HERC5: variants seen among roughly 807,000 people sequenced by gnomAD.
HERC5 encodes the protein E3 ISG15--protein ligase HERC5.
A neutral mutation model predicts 119.6 loss-of-function variants in HERC5; 99 were observed. The observed-to-expected ratio is 0.83, with a 90% CI of 0.70 to 0.98. The LOEUF is 0.98. Among genes scored for constraint, HERC5 ranks in the 50% least tolerant of loss-of-function variants. The pLI, the probability that HERC5 is intolerant of heterozygous loss-of-function variation, is 0.00. For synonymous variants in HERC5, 478 were observed against 445.9 expected (o/e 1.07, Z -0.91); for missense variants, 1,267 against 1,241.3 (o/e 1.02, Z -0.31).
intron 16 of HERC5, among the ~76,000 whole-genome samples, chr4:88,492,299 C>A (rs112230023): frequency 6.6e-6 from 1 of 151,786 alleles, no homozygotes; most frequent in African/African-American, 2.4e-5. Flanking sequence ...CCACCACGCC[C>A]GGCCAATTTT....
At chr4:88,458,986 A>T (rs575889454) in intron 1 of HERC5, among the ~76,000 whole-genome samples, 85 of 152,294 alleles carry the variant, frequency 5.6e-4, no homozygotes, top group African/African-American at 1.9e-3. Flanking sequence ...TTGAAATGAG[A>T]TTATGTTGTC....
chr4:88,499,939 C>A lies in HERC5; in HGVS notation c.2458C>A (p.Leu820Ile), dbSNP rs371481479. The change falls in exon 19 of 23, where the codon CTT becomes ATT. Residue 820 changes from leucine (L) to isoleucine (I), a missense_variant. Physicochemically the swap from Leu to Ile is conservative, Grantham distance 5. Transcript: ENST00000264350. The part of the protein sequence containing the change: ...SPDLGKNLQT[L>I]LDDEGDNFEE... The stretch of plus-strand genomic sequence containing the variant: ...TTTTTTCCTTAGGAATTTGCAAACA[C>A]TTCTGGATGATGAAGGTGATAACTT... 2.1e-4 allele frequency: 335 copies of A among 1,607,750 alleles called. No individual in the cohort carries two copies. Among genetic ancestry groups the A allele is most frequent in the Non-Finnish European group, 2.5e-4 (291 of 1,174,818 alleles).
chr4:88,470,696 T>A, intron 10 of HERC5, 23 bp downstream of exon 10: 1 of 1,012,862 alleles, frequency 9.9e-7, no homozygotes, highest in Non-Finnish European at 1.5e-6. Context: ...ATAAATTAAT[T>A]GTATTAAATT....
At chr4:88,462,596 T>C (rs1477924601) in intron 4 of HERC5, among the ~76,000 whole-genome samples, 4 of 152,148 alleles carry the variant, frequency 2.6e-5, no homozygotes, top group Non-Finnish European at 5.9e-5. Flanking sequence ...GAATTAGGGA[T>C]GAGAACCTGG....
chr4:88,476,470 G>A (rs1205072023), intron 12 of HERC5, among the ~76,000 whole-genome samples: 2 of 152,162 alleles, frequency 1.3e-5, no homozygotes, highest in Non-Finnish European at 2.9e-5. Flanking sequence ...TATTACAATT[G>A]TGCTTTTGTA....
Position 88,504,477 on chromosome 4 carries a change from T to C in HERC5, c.2767-18T>C, listed in dbSNP as rs939437786. ...TCCTTCCTATTTCCTCAATAACTTTTTTTTGTATTTTCTCTAGAATGCACG... is the reference window on the plus strand; with the variant it reads ...TCCTTCCTATTTCCTCAATAACTTTCTTTTGTATTTTCTCTAGAATGCACG... On this transcript the variant is annotated intron_variant, in intron 21 of 22. Coordinates refer to ENST00000264350, the MANE Select transcript of HERC5 (RefSeq NM_016323.4). 2.5e-6 allele frequency: 4 copies of C among 1,570,106 alleles called. No individual in the cohort carries two copies. The highest frequency in any genetic ancestry group is 3.5e-6 in the Non-Finnish European group (4 of 1,157,128).
chr4:88,488,155 A>T (rs6826311), intron 15 of HERC5, among the ~76,000 whole-genome samples: 7,892 of 152,208 alleles, frequency 0.052, 681 homozygotes, highest in African/African-American at 0.18. Context: ...TCCTGATTTT[A>T]AACAAGGTTC....
chr4:88,504,008 A>T (rs1435154981), intron 20 of HERC5, among the ~76,000 whole-genome samples: 24 of 152,128 alleles, frequency 1.6e-4, no homozygotes, highest in Admixed American at 1.6e-3. Flanking sequence ...TGGAGGTTGC[A>T]ATAAGCTAAG....
chr4:88,504,584 GA>G lies in HERC5; in HGVS notation c.2862del (p.Lys954AsnfsTer14). 5 of 1,555,130 alleles carry G rather than the reference GA, an allele frequency of 3.2e-6. No homozygotes were observed. Among genetic ancestry groups the G allele is most frequent in the South Asian group, 1.2e-5 (1 of 81,116 alleles). On this transcript the variant is annotated frameshift_variant, in exon 22 of 23. Transcript: ENST00000264350. LOFTEE classifies it low-confidence loss of function (END_TRUNC). ...TCCACAAATTGACTCTGGAAGAAAAGAAAAAATTCCTTGGTAAGTATTATAT... is the reference window on the plus strand; with the variant it reads ...TCCACAAATTGACTCTGGAAGAAAAGAAAAATTCCTTGGTAAGTATTATAT... ...AFHKLTLEEK[K>X]KFLVFLTGTD... is the part of the protein sequence containing the mutation.
chr4:88,501,167 G>A (rs1162396238), intron 20 of HERC5, among the ~76,000 whole-genome samples, 182 bp downstream of exon 20: 1 of 152,130 alleles, frequency 6.6e-6, no homozygotes, highest in Admixed American at 6.6e-5. Context: ...ATTGTGGTAA[G>A]GAATGGAAAT....
Position 88,463,850 on chromosome 4 carries a change from C to CTTAG in HERC5, c.781-4_781-1dup. 1 of 1,612,594 alleles carries CTTAG rather than the reference C, an allele frequency of 6.2e-7. No individual in the cohort carries two copies. Among genetic ancestry groups the CTTAG allele is most frequent in the Non-Finnish European group, 8.5e-7 (1 of 1,179,582 alleles). ...AGCATCTGATATGACATTCCCTTTC[C>CTTAG]TTAGGATGGGCTGCTGTTTACTTTC... On this transcript the variant is annotated splice_region_variant and splice_polypyrimidine_tract_variant and intron_variant, in intron 5 of 22. Transcript: ENST00000264350.
intron 15 of HERC5, 53 bp downstream of exon 15, chr4:88,487,232 T>C (rs902788777): frequency 1.0e-6 from 1 of 1,002,818 alleles, no homozygotes; most frequent in Admixed American, 2.0e-5. Flanking sequence ...AAGCGCCTTC[T>C]TAATCATGCA....
In HERC5 at chr4:88,484,831, A is replaced by G. The variant is rs537387220; in HGVS notation, c.1738-1284A>G. Reference sequence around the variant, plus strand: ...TCACCAGGTTGGGCAGATGCTCTCAAGGCAAATGCCACTTTCATTTAAGTT... The same window carrying G: ...TCACCAGGTTGGGCAGATGCTCTCAGGGCAAATGCCACTTTCATTTAAGTT... On this transcript the variant is annotated intron_variant, in intron 13 of 22. Transcript: ENST00000264350. Among the ~76,000 whole-genome samples, 9 of 152,344 alleles carry G rather than the reference A, an allele frequency of 5.9e-5. No individual in the cohort carries two copies. The East Asian group carries it at 1.7e-3, about 29-fold the overall frequency.
rs776828833 is a variant in HERC5 at position 88,499,992 on chromosome 4, TGTGA to T, written c.2511+3_2511+6del. The T allele has an allele frequency of 4.4e-6, 7 of 1,578,062 alleles. No individual in the cohort carries two copies. In the African/African-American group the frequency reaches 5.4e-5, roughly 12 times the overall value. On this transcript the variant is annotated splice_donor_variant and splice_donor_region_variant and intron_variant, in intron 19 of 22. Coordinates refer to ENST00000264350, the MANE Select transcript of HERC5 (RefSeq NM_016323.4). LOFTEE classifies it high-confidence loss of function. The stretch of plus-strand genomic sequence containing the variant: ...AGGAAGTATTTTACATCCATTTTAA[TGTGA>T]GTAACAATAAAAGCAGATAACAGAT...
chr4:88,475,643 T>C (rs1244125722), intron 11 of HERC5, among the ~76,000 whole-genome samples, 198 bp from the exon 12 acceptor site: 1 of 152,104 alleles, frequency 6.6e-6, no homozygotes, highest in Non-Finnish European at 1.5e-5. Context: ...AGAATACTAA[T>C]TGTATATCCC....
chr4:88,458,737 TAA>T (rs1740288090), intron 1 of HERC5, among the ~76,000 whole-genome samples: 1 of 152,130 alleles, frequency 6.6e-6, no homozygotes, highest in African/African-American at 2.4e-5. Flanking sequence ...ACAAATTAAA[TAA>T]GAGTACATTT....
At chr4:88,503,245 T>C (rs774250565) in intron 20 of HERC5, among the ~76,000 whole-genome samples, 27 of 152,194 alleles carry the variant, frequency 1.8e-4, no homozygotes, top group Non-Finnish European at 3.8e-4. Flanking sequence ...ACTGAACCTA[T>C]AGATCAATTT....
At chr4:88,490,195 G>C (rs553861148) in intron 16 of HERC5, among the ~76,000 whole-genome samples, 1 of 152,236 alleles carries the variant, frequency 6.6e-6, no homozygotes, top group East Asian at 1.9e-4. Flanking sequence ...ATAATGACCA[G>C]TAGATCTTTT....
At chr4:88,476,827 A>C (rs1741080213) in intron 12 of HERC5, among the ~76,000 whole-genome samples, 1 of 151,982 alleles carries the variant, frequency 6.6e-6, no homozygotes, top group Non-Finnish European at 1.5e-5. Flanking sequence ...AGGCTGAGGC[A>C]GGAGAATCGC....
Sources: gnomAD v4.1 joint callset for allele counts (sites outside exome capture counted in the v4.1 genomes callset) on GRCh38, gnomAD v4.1.1 for gene constraint, MANE v1.5 for transcripts, NCBI Gene and HGNC (gene_info 2026-07-23, HGNC 2026-07-21) for gene names.